MYO3A: variants seen among roughly 807,000 people sequenced by gnomAD.
MYO3A encodes the protein myosin IIIA.
A neutral mutation model predicts 192.7 loss-of-function variants in MYO3A; 180 were observed. The ratio of observed to expected loss-of-function variants is 0.93; its 90% confidence interval spans 0.83 to 1.06. The LOEUF is 1.06. Among genes scored for constraint, MYO3A ranks in the 50% least tolerant of loss-of-function variants. The pLI, the probability that MYO3A is intolerant of heterozygous loss-of-function variation, is 0.00. For missense variants in MYO3A, 1,896 were observed against 1,905.0 expected (o/e 1.00, Z 0.09); for synonymous variants, 628 against 645.3 (o/e 0.97, Z 0.41).
intron 4 of MYO3A, among the ~76,000 whole-genome samples, chr10:25,964,331 T>C (rs1415627733): frequency 2.6e-5 from 4 of 152,182 alleles, no homozygotes; most frequent in African/African-American, 7.2e-5. Flanking sequence ...AGAAAATGTC[T>C]ATTAGGTGGT....
At chr10:26,113,544 G>T (rs1838324592) in intron 17 of MYO3A, among the ~76,000 whole-genome samples, 1 of 151,148 alleles carries the variant, frequency 6.6e-6, no homozygotes, top group Non-Finnish European at 1.5e-5. Flanking sequence ...CATTTGGTTT[G>T]TTGTTTGTAA....
chr10:26,090,918 C>A (rs1836661919), intron 15 of MYO3A, among the ~76,000 whole-genome samples: 1 of 152,214 alleles, frequency 6.6e-6, no homozygotes, highest in Admixed American at 6.5e-5. Context: ...GTGCCTGGTG[C>A]CAGCTGCAGC....
At chr10:26,097,254 T>C (rs1198149034) in intron 17 of MYO3A, among the ~76,000 whole-genome samples, 2 of 152,132 alleles carry the variant, frequency 1.3e-5, no homozygotes, top group African/African-American at 4.8e-5. Flanking sequence ...TCTGGACACT[T>C]TACATACAAG....
At chr10:26,047,346 G>C (rs1843689946) in intron 10 of MYO3A, among the ~76,000 whole-genome samples, 1 of 152,098 alleles carries the variant, frequency 6.6e-6, no homozygotes, top group Non-Finnish European at 1.5e-5. Context: ...ATAACCTAAA[G>C]GGTTATCAAG....
chr10:26,116,870 T>C (rs1838538963), intron 17 of MYO3A, among the ~76,000 whole-genome samples: 1 of 152,188 alleles, frequency 6.6e-6, no homozygotes, highest in African/African-American at 2.4e-5. Flanking sequence ...CAACCAAAAA[T>C]GTCTCCAGAC....
intron 10 of MYO3A, among the ~76,000 whole-genome samples, chr10:26,048,887 A>AG (rs1377529311): frequency 6.6e-6 from 1 of 152,166 alleles, no homozygotes; most frequent in Admixed American, 6.5e-5. Context: ...TGTGAGTGTT[A>AG]AGAAAGAAAA....
At chr10:26,091,461 A>G (rs1836695543) in intron 15 of MYO3A, among the ~76,000 whole-genome samples, 1 of 152,204 alleles carries the variant, frequency 6.6e-6, no homozygotes, top group Admixed American at 6.5e-5. Flanking sequence ...AATTCTCATA[A>G]ATACAAATTA....
At chr10:25,972,667 C>G (rs1208338724) in intron 4 of MYO3A, among the ~76,000 whole-genome samples, 2 of 152,128 alleles carry the variant, frequency 1.3e-5, no homozygotes, top group Non-Finnish European at 2.9e-5. Context: ...TCTATGAAGC[C>G]TTTGATGTCA....
intron 18 of MYO3A, among the ~76,000 whole-genome samples, chr10:26,122,570 A>G (rs781765770): frequency 9.9e-5 from 15 of 152,128 alleles, no homozygotes; most frequent in Non-Finnish European, 1.3e-4. Context: ...ACCTGAACTA[A>G]GTGACCTCCC....
intron 18 of MYO3A, among the ~76,000 whole-genome samples, chr10:26,121,295 G>A (rs984523160): frequency 6.6e-6 from 1 of 151,768 alleles, no homozygotes; most frequent in Non-Finnish European, 1.5e-5. Flanking sequence ...CTTAATAGTA[G>A]AGTTTGATAA....
Position 25,955,023 on chromosome 10 carries a change from A to C in MYO3A, c.303+15A>C. ...TGGTTCTTGAGGTAAGTGTGTCAGCATCATTTGTATGGGTGGAAACTTAGA... is the reference window on the plus strand; with the variant it reads ...TGGTTCTTGAGGTAAGTGTGTCAGCCTCATTTGTATGGGTGGAAACTTAGA... On this transcript the variant is annotated intron_variant, in intron 4 of 34. Transcript: ENST00000642920. 6.2e-7 allele frequency: 1 copy of C among 1,612,170 alleles called. No homozygotes were observed. The highest frequency in any genetic ancestry group is 8.5e-7 in the Non-Finnish European group (1 of 1,178,556).
intron 4 of MYO3A, among the ~76,000 whole-genome samples, chr10:25,962,560 A>G (rs752875441): frequency 4.6e-5 from 7 of 152,214 alleles, no homozygotes; most frequent in Admixed American, 6.5e-5. Context: ...GTTTCTACCT[A>G]TGCCTCATTT....
rs1588653198 is a variant in MYO3A at position 25,955,123 on chromosome 10, A to C, written c.303+115A>C. 4.8e-4 allele frequency: 689 copies of C among 1,436,872 alleles called. 2 individuals carry two copies. The highest frequency in any genetic ancestry group is 7.4e-4 in the East Asian group (32 of 42,984). The allele number at this position is 1,436,872 out of a possible 1,614,324, so 89.0% of individuals were successfully genotyped here. A position where few individuals can be genotyped will look rare whatever the true frequency, so the allele number is the denominator to read the frequency against. On this transcript the variant is annotated intron_variant, in intron 4 of 34. Transcript: ENST00000642920. The stretch of plus-strand genomic sequence containing the variant: ...TAAAAACAGTTCTGATAAGTTCCTG[A>C]CCAGCCATGAATGTTGTGCCTAGTT...
intron 4 of MYO3A, among the ~76,000 whole-genome samples, chr10:25,956,736 T>G (rs1184088176): frequency 6.6e-6 from 1 of 152,100 alleles, no homozygotes; most frequent in African/African-American, 2.4e-5. Context: ...GTTTTTTTCT[T>G]TTTTTCCTTT....
At chr10:25,975,346 AG>A (rs1311111635) in intron 4 of MYO3A, among the ~76,000 whole-genome samples, 1 of 152,174 alleles carries the variant, frequency 6.6e-6, no homozygotes, top group African/African-American at 2.4e-5. Context: ...CACAAAAGTG[AG>A]GGGTAGCATT....
chr10:26,104,621 C>A (rs1381829529), intron 17 of MYO3A, among the ~76,000 whole-genome samples: 4 of 152,026 alleles, frequency 2.6e-5, no homozygotes, highest in African/African-American at 9.7e-5. Context: ...CCTCCTACAA[C>A]TTTGTTCTTT....
At chr10:26,067,776 A>T (rs1490160887) in intron 11 of MYO3A, among the ~76,000 whole-genome samples, 1 of 152,202 alleles carries the variant, frequency 6.6e-6, no homozygotes, top group East Asian at 1.9e-4. Flanking sequence ...ATCATTAGAG[A>T]AATAAATGCC....
chr10:26,053,936 G>A (rs17738949), intron 10 of MYO3A, among the ~76,000 whole-genome samples: 24,722 of 152,110 alleles, frequency 0.16, 2,307 homozygotes, highest in Non-Finnish European at 0.21. Flanking sequence ...CCCAGACCTC[G>A]CAATCAAGAG....
intron 30 of MYO3A, 45 bp from the exon 31 acceptor site, chr10:26,176,656 G>A (rs765407110): frequency 1.3e-6 from 2 of 1,569,450 alleles, no homozygotes; most frequent in Admixed American, 3.4e-5. Context: ...AGAACTCTCT[G>A]TATTCTTTTC....
Sources: gnomAD v4.1 joint callset for allele counts (sites outside exome capture counted in the v4.1 genomes callset) on GRCh38, gnomAD v4.1.1 for gene constraint, MANE v1.5 for transcripts, NCBI Gene and HGNC (gene_info 2026-07-23, HGNC 2026-07-21) for gene names.